Variants in LYPD6 observed in about 807,000 individuals in gnomAD.
LYPD6 encodes ly6/PLAUR domain-containing protein 6.
Under a neutral mutation model 22.7 loss-of-function variants are expected in LYPD6, and 15 were observed. The observed-to-expected ratio is 0.66, with a 90% CI of 0.44 to 1.02. LYPD6 has a LOEUF of 1.02. Among genes scored for constraint, LYPD6 ranks in the 50% least tolerant of loss-of-function variants. The pLI is 0.00. For missense variants in LYPD6, 189 were observed against 208.4 expected (o/e 0.91, Z 0.57); for synonymous variants, 72 against 77.5 (o/e 0.93, Z 0.37).
chr2:149,483,899 T>G, the LYPD6 span, among the ~76,000 whole-genome samples: 1 of 152,212 alleles, frequency 6.6e-6, no homozygotes, highest in South Asian at 2.1e-4. Flanking sequence ...TATATCATAG[T>G]GACAAGAGAG....
At chr2:149,392,933 A>G (rs1682344748) in intron 1 of LYPD6, among the ~76,000 whole-genome samples, 1 of 152,180 alleles carries the variant, frequency 6.6e-6, no homozygotes, top group South Asian at 2.1e-4. Flanking sequence ...AGGCTGAGGC[A>G]GGAGAATCAC....
chr2:149,401,724 T>C (rs1374058317), intron 1 of LYPD6, among the ~76,000 whole-genome samples: 4 of 152,162 alleles, frequency 2.6e-5, no homozygotes, highest in African/African-American at 9.7e-5. Context: ...AATTTTTAAA[T>C]CTCAATAGGT....
chr2:149,428,899 A>C (rs1403174198), intron 1 of LYPD6, among the ~76,000 whole-genome samples: 2 of 152,174 alleles, frequency 1.3e-5, no homozygotes, highest in Non-Finnish European at 2.9e-5. Flanking sequence ...GTCAGTGAGG[A>C]ACACTGCTGT....
At chr2:149,424,896 C>T (rs376056489) in intron 1 of LYPD6, among the ~76,000 whole-genome samples, 5 of 152,230 alleles carry the variant, frequency 3.3e-5, no homozygotes, top group South Asian at 2.1e-4. Context: ...CCCAAAGGTT[C>T]GTCTTAGGGT....
At chr2:149,458,693 C>CACTTGAA (rs1681021419) in intron 3 of LYPD6, among the ~76,000 whole-genome samples, 1 of 151,972 alleles carries the variant, frequency 6.6e-6, no homozygotes, top group Admixed American at 6.6e-5. Flanking sequence ...ATAACAAACA[C>CACTTGAA]ACTTGAAACA....
rs572767694 is a variant in LYPD6, at chr2:149,473,669, T to A, written c.*2819T>A. The A allele has an allele frequency of 6.6e-5, 10 of 152,322 alleles. No individual in the cohort carries two copies. The East Asian group carries it at 1.9e-3, about 29-fold the overall frequency. 9.4% of individuals were successfully genotyped at this position (152,322 alleles called of 1,614,324 possible). A position where few individuals can be genotyped will look rare whatever the true frequency, so the allele number is the denominator to read the frequency against. On this transcript the variant is annotated 3_prime_UTR_variant, in exon 5 of 5. Transcript: ENST00000334166. ...GCAAATGCACATGTCAATCAATGAT[T>A]AATGCACCCAGGTTATGTACAAGGC...
rs1468185262 is a variant in LYPD6, at chr2:149,437,660, CT to C, written c.-48del. 6.2e-7 allele frequency: 1 copy of C among 1,606,538 alleles called. No individual in the cohort carries two copies. The highest frequency in any genetic ancestry group is 8.5e-7 in the Non-Finnish European group (1 of 1,175,382). On this transcript the variant is annotated 5_prime_UTR_variant, in exon 2 of 5. An upstream open reading frame in the 5' UTR loses its in-frame stop. Coordinates refer to ENST00000334166, the MANE Select transcript of LYPD6 (RefSeq NM_194317.5). The stretch of plus-strand genomic sequence containing the variant: ...CAGGTGCAAGTTCTCTCCTGTTGCC[CT>C]GAGTGCCCACTCCCAGGCCCTCTGT...
rs114019591 is a variant in LYPD6, at chr2:149,450,019, T to C, written c.217+872T>C. ...ATGGTATTCTGCCTCTTGTGGAGGA[T>C]TGGAAATTGGGAGAGCATGGAAACC... is the stretch of plus-strand genomic sequence containing the variant. On this transcript the variant is annotated intron_variant, in intron 3 of 4. Transcript: ENST00000334166. 7.7e-3 allele frequency among the ~76,000 whole-genome samples: 1,171 copies of C among 152,270 alleles called. 14 individuals are homozygous for C. Among genetic ancestry groups the C allele is most frequent in the African/African-American group, 0.026 (1,092 of 41,534 alleles).
chr2:149,329,989 C>G (rs1559113942), upstream of LYPD6: 2 of 152,360 alleles, frequency 1.3e-5, no homozygotes, highest in South Asian at 4.1e-4. Context: ...TCTTTTACTG[C>G]AAACGTCAAG....
At chr2:149,464,976 A>T (rs945646392) in intron 3 of LYPD6, among the ~76,000 whole-genome samples, 2 of 152,188 alleles carry the variant, frequency 1.3e-5, no homozygotes, top group Admixed American at 1.3e-4. Context: ...GGGTTGAGAC[A>T]CATTAGGTGT....
At chr2:149,418,248 G>T (rs1426912456) in intron 1 of LYPD6, among the ~76,000 whole-genome samples, 1 of 152,184 alleles carries the variant, frequency 6.6e-6, no homozygotes, top group Admixed American at 6.5e-5. Context: ...TGACACAATT[G>T]TAGGGGAAGG....
chr2:149,438,567 T>C (rs2105151245), intron 2 of LYPD6, among the ~76,000 whole-genome samples: 1 of 152,384 alleles, frequency 6.6e-6, no homozygotes, highest in Non-Finnish European at 1.5e-5. Flanking sequence ...GACCTTCGGC[T>C]TTTGCCCCAA....
At chr2:149,436,657 G>A (rs373230495) in intron 1 of LYPD6, among the ~76,000 whole-genome samples, 2 of 152,050 alleles carry the variant, frequency 1.3e-5, no homozygotes, top group South Asian at 4.1e-4. Flanking sequence ...TCAGCTCACT[G>A]CAACCTCTGC....
chr2:149,339,488 T>C (rs1681119110), intron 1 of LYPD6, among the ~76,000 whole-genome samples: 1 of 152,190 alleles, frequency 6.6e-6, no homozygotes, highest in Non-Finnish European at 1.5e-5. Context: ...ATTTTAGTTT[T>C]CAACCAGCCT....
At chr2:149,441,543 C>G (rs1396102743) in intron 2 of LYPD6, among the ~76,000 whole-genome samples, 3 of 152,210 alleles carry the variant, frequency 2.0e-5, no homozygotes, top group African/African-American at 4.8e-5. Flanking sequence ...TTTGAAGTTT[C>G]TGAACATTTA....
chr2:149,416,158 T>C (rs1357826157), intron 1 of LYPD6, among the ~76,000 whole-genome samples: 1 of 152,208 alleles, frequency 6.6e-6, no homozygotes, highest in African/African-American at 2.4e-5. Context: ...TGACAAACTA[T>C]ATGCCTTCCT....
At position 149,400,123 on chromosome 2, in the gene LYPD6, G is replaced by A. The variant is rs571526311; in HGVS notation, c.-71-37515G>A. On this transcript the variant is annotated intron_variant, in intron 1 of 4. Coordinates refer to ENST00000334166, the MANE Select transcript of LYPD6 (RefSeq NM_194317.5). ...TGGCAGTGGGAAGTCTCAGCACAAT[G>A]GCCTGGTGCTTTTCCACCTGTGAGA... 2.0e-5 allele frequency among the ~76,000 whole-genome samples: 3 copies of A among 152,308 alleles called. No homozygotes were observed. In the South Asian group the frequency reaches 6.2e-4, roughly 32 times the overall value.
chr2:149,348,061 C>CAAAAACAA (rs1681291047), intron 1 of LYPD6, among the ~76,000 whole-genome samples: 1 of 76,718 alleles, frequency 1.3e-5, no homozygotes, highest in African/African-American at 4.2e-5. Context: ...ACTAAAAATA[C>CAAAAACAA]AAAAAAAAAA....
At chr2:149,421,411 A>T (rs1255764587) in intron 1 of LYPD6, among the ~76,000 whole-genome samples, 1 of 147,064 alleles carries the variant, frequency 6.8e-6, no homozygotes, top group Non-Finnish European at 1.5e-5. Flanking sequence ...AAAAAAAAAA[A>T]GTGTGTTTTT....
Sources: gnomAD v4.1 joint callset for allele counts (sites outside exome capture counted in the v4.1 genomes callset) on GRCh38, gnomAD v4.1.1 for gene constraint, MANE v1.5 for transcripts, NCBI Gene and HGNC (gene_info 2026-07-23, HGNC 2026-07-21) for gene names.